The following ROBO2 variants were observed in gnomAD, a reference collection of about 807,000 sequenced individuals.
ROBO2 encodes roundabout guidance receptor 2.
Under a neutral mutation model 160.8 loss-of-function variants are expected in ROBO2, and 53 were observed. That is an observed-to-expected ratio of 0.33 (90% confidence interval 0.26 to 0.41). ROBO2 has a LOEUF of 0.41. Among genes scored for constraint, ROBO2 ranks in the 10% least tolerant of loss-of-function variants. ROBO2 has a pLI of 1.00. For synonymous variants in ROBO2, 664 were observed against 611.7 expected, an observed-to-expected ratio of 1.09 and a Z score of -1.26; for missense variants, 1,577 against 1,722.4, an observed-to-expected ratio of 0.92 and a Z score of 1.49.
At chr3:76,910,723 C>A (rs1259982275) in intron 2 of ROBO2, among the ~76,000 whole-genome samples, 7 of 84,366 alleles carry the variant, frequency 8.3e-5, no homozygotes, top group African/African-American at 3.5e-4. Flanking sequence ...GAAACTCTGT[C>A]TCAAAAAAAA....
intron 2 of ROBO2, among the ~76,000 whole-genome samples, chr3:77,271,722 T>C (rs898919816): frequency 4.6e-5 from 7 of 152,232 alleles, no homozygotes; most frequent in Non-Finnish European, 1.0e-4. Context: ...TGTTTGTTGG[T>C]TGTGGGTGCC....
intron 2 of ROBO2, among the ~76,000 whole-genome samples, chr3:76,492,017 G>A (rs1203194513): frequency 3.3e-5 from 5 of 152,178 alleles, no homozygotes; most frequent in Admixed American, 2.6e-4. Context: ...TGGGGAGGCT[G>A]AGGCAGGAGG....
chr3:77,293,314 C>A (rs1321929825), intron 2 of ROBO2, among the ~76,000 whole-genome samples: 1 of 133,082 alleles, frequency 7.5e-6, no homozygotes. Context: ...GATGGTTAAA[C>A]GGGAAGTTGA....
At chr3:76,024,020 G>A (rs1201692741) in intron 2 of ROBO2, among the ~76,000 whole-genome samples, 1 of 151,012 alleles carries the variant, frequency 6.6e-6, no homozygotes, top group Non-Finnish European at 1.5e-5. Context: ...TATTTCATAG[G>A]TTTTATATAA....
At chr3:75,974,904 T>TTA (rs2065095098) in intron 2 of ROBO2, among the ~76,000 whole-genome samples, 1 of 151,570 alleles carries the variant, frequency 6.6e-6, no homozygotes, top group Non-Finnish European at 1.5e-5. Context: ...AGATGTGTGT[T>TTA]TATACAGATA....
intron 2 of ROBO2, among the ~76,000 whole-genome samples, chr3:76,844,286 C>T (rs2068577134): frequency 6.6e-6 from 1 of 151,986 alleles, no homozygotes; most frequent in Non-Finnish European, 1.5e-5. Flanking sequence ...TCTTCCTGAA[C>T]AGATTTCACA....
chr3:76,603,345 A>ATATATATAT (rs1406880243), intron 2 of ROBO2, among the ~76,000 whole-genome samples: 1 of 62,358 alleles, frequency 1.6e-5, no homozygotes, highest in Non-Finnish European at 2.8e-5. Flanking sequence ...AAAAAAAAAA[A>ATATATATAT]AAAAAAATAT....
chr3:76,136,692 A>G (rs533774512), intron 2 of ROBO2, among the ~76,000 whole-genome samples: 1 of 152,238 alleles, frequency 6.6e-6, no homozygotes, highest in South Asian at 2.1e-4. Flanking sequence ...TTAATAAAAT[A>G]TAGACCACTA....
chr3:77,476,117 C>A (rs891658022), intron 2 of ROBO2, among the ~76,000 whole-genome samples: 1 of 152,160 alleles, frequency 6.6e-6, no homozygotes. Flanking sequence ...AAAGAAAAAC[C>A]CTGAAGTCAC....
chr3:76,963,905 G>GAAAAAGAAAAT lies in ROBO2; in HGVS notation c.110-134106_110-134105insAAGAAAATAAA, dbSNP rs2079869632. Among the ~76,000 whole-genome samples the GAAAAAGAAAAT allele has an allele frequency of 2.0e-5, 3 of 148,686 alleles. No individual in the cohort carries two copies. In the South Asian group the frequency reaches 6.5e-4, roughly 32 times the overall value. ...AAGAAAAAGAAAATGAAAAAGAAAA[G>GAAAAAGAAAAT]AAAGGAAAGCCAAAAGGGGTTTAGT... On this transcript the variant is annotated intron_variant, in intron 2 of 26. Coordinates refer to the ROBO2 transcript ENST00000487694.
At chr3:76,689,443 T>C (rs1389482792) in intron 2 of ROBO2, among the ~76,000 whole-genome samples, 2 of 152,120 alleles carry the variant, frequency 1.3e-5, no homozygotes, top group Non-Finnish European at 2.9e-5. Context: ...TGTATATTTT[T>C]CCATCATCTC....
intron 2 of ROBO2, among the ~76,000 whole-genome samples, chr3:76,802,248 A>G (rs1018919021): frequency 6.6e-6 from 1 of 152,238 alleles, no homozygotes; most frequent in Non-Finnish European, 1.5e-5. Flanking sequence ...AAAAAGTGCA[A>G]TATCTGCAGA....
chr3:77,040,025 T>A, exon 1 of ROBO2: 2 of 852,548 alleles, frequency 2.3e-6, no homozygotes, highest in Non-Finnish European at 2.8e-6. Context: ...CGCGGGGGTG[T>A]CTGCAGCCTC....
At chr3:77,058,797 C>G (rs1332604134) in intron 1 of ROBO2, among the ~76,000 whole-genome samples, 1 of 152,046 alleles carries the variant, frequency 6.6e-6, no homozygotes, top group Non-Finnish European at 1.5e-5. Flanking sequence ...GTCGACCTCC[C>G]AAAGTACTGG....
intron 2 of ROBO2, among the ~76,000 whole-genome samples, chr3:76,001,508 G>A (rs2065885855): frequency 6.6e-6 from 1 of 151,702 alleles, no homozygotes; most frequent in Admixed American, 6.6e-5. Flanking sequence ...TCATTTATTT[G>A]AATATGTGTG....
chr3:76,228,980 C>T (rs573789985), intron 2 of ROBO2, among the ~76,000 whole-genome samples: 46 of 152,276 alleles, frequency 3.0e-4, no homozygotes, highest in Admixed American at 2.9e-3. Flanking sequence ...GATTGCACCA[C>T]TGCACTCCAG....
intron 2 of ROBO2, among the ~76,000 whole-genome samples, chr3:76,801,119 G>C (rs143914117): frequency 1.7e-3 from 261 of 152,286 alleles, no homozygotes; most frequent in African/African-American, 5.9e-3. Flanking sequence ...TAACACTGGA[G>C]GACATTATGT....
intron 2 of ROBO2, among the ~76,000 whole-genome samples, chr3:77,243,347 A>G (rs1479299825): frequency 3.3e-5 from 5 of 152,166 alleles, no homozygotes; most frequent in Non-Finnish European, 5.9e-5. Flanking sequence ...TGCTAACTGT[A>G]GTCTAGTACT....
intron 4 of ROBO2, among the ~76,000 whole-genome samples, chr3:77,489,521 C>A (rs985493641): frequency 1.1e-4 from 16 of 152,108 alleles, no homozygotes; most frequent in Non-Finnish European, 1.9e-4. Flanking sequence ...AACAATGAGG[C>A]TTAGAACAAG....
Sources: allele counts gnomAD v4.1 joint callset (sites outside exome capture counted in the v4.1 genomes callset), GRCh38; gene constraint gnomAD v4.1.1; transcripts MANE v1.5; gene names NCBI Gene and HGNC (gene_info 2026-07-23, HGNC 2026-07-21).